Variants in DLG2 observed in about 807,000 individuals in gnomAD.
DLG2 encodes the protein discs large MAGUK scaffold protein 2.
Under a neutral mutation model 132.5 loss-of-function variants are expected in DLG2, and 45 were observed. The ratio of observed to expected loss-of-function variants is 0.34; its 90% CI spans 0.27 to 0.44. DLG2 has a LOEUF of 0.44. Among genes scored for constraint, DLG2 ranks in the 20% least tolerant of loss-of-function variants. The pLI is 1.00. For synonymous variants in DLG2, 424 were observed against 419.6 expected (o/e 1.01, Z -0.13); for missense variants, 1,045 against 1,196.9 (o/e 0.87, Z 1.87).
intron 11 of DLG2, among the ~76,000 whole-genome samples, chr11:84,012,183 T>C (rs1307467282): frequency 6.6e-6 from 1 of 152,180 alleles, no homozygotes; most frequent in East Asian, 1.9e-4. Context: ...TGTCTAAGAA[T>C]AAATAATTTC....
chr11:83,896,844 T>C (rs898411474), intron 15 of DLG2, among the ~76,000 whole-genome samples: 3 of 152,158 alleles, frequency 2.0e-5, no homozygotes, highest in African/African-American at 7.2e-5. Flanking sequence ...TGTATGTAAA[T>C]ATATGATGTG....
intron 8 of DLG2, among the ~76,000 whole-genome samples, chr11:84,237,680 C>T (rs1415063345): frequency 1.3e-5 from 2 of 152,122 alleles, no homozygotes; most frequent in Non-Finnish European, 2.9e-5. Flanking sequence ...TTTAAACAAA[C>T]TTGGAACTTC....
chr11:83,547,095 T>C (rs1360031835), intron 19 of DLG2, among the ~76,000 whole-genome samples: 1 of 152,104 alleles, frequency 6.6e-6, no homozygotes, highest in Non-Finnish European at 1.5e-5. Flanking sequence ...TTAACAATCA[T>C]GGACCTTAAA....
chr11:84,758,194 A>C (rs1305933298), intron 6 of DLG2, among the ~76,000 whole-genome samples: 2 of 152,318 alleles, frequency 1.3e-5, no homozygotes, highest in East Asian at 3.9e-4. Flanking sequence ...TTCTCTTTGT[A>C]CCTGTACTGT....
chr11:83,611,494 G>GC (rs1424979858), intron 19 of DLG2, among the ~76,000 whole-genome samples: 1 of 152,132 alleles, frequency 6.6e-6, no homozygotes, highest in Non-Finnish European at 1.5e-5. Flanking sequence ...GACAAGCTTT[G>GC]TTTTTTGCTT....
chr11:83,791,578 T>C (rs943109574), intron 17 of DLG2: 3 of 467,456 alleles, frequency 6.4e-6, no homozygotes, highest in African/African-American at 6.1e-5. Context: ...ATTTTCTTCA[T>C]TATGACTAGT....
chr11:84,032,719 T>C (rs886867415), intron 11 of DLG2, among the ~76,000 whole-genome samples: 3 of 152,164 alleles, frequency 2.0e-5, no homozygotes, highest in African/African-American at 4.8e-5. Context: ...AGGACTTTCG[T>C]AGCTAGAGAG....
intron 6 of DLG2, among the ~76,000 whole-genome samples, chr11:84,757,309 G>A (rs758059818): frequency 6.6e-6 from 1 of 151,754 alleles, no homozygotes; most frequent in Admixed American, 6.6e-5. Flanking sequence ...AAAAAAAAAG[G>A]ATTTTATCTT....
At chr11:84,512,266 A>G (rs1457468637) in intron 7 of DLG2, among the ~76,000 whole-genome samples, 2 of 152,148 alleles carry the variant, frequency 1.3e-5, no homozygotes, top group Admixed American at 6.6e-5. Flanking sequence ...GCTTTTCTGC[A>G]TGCAAGTCTC....
intron 6 of DLG2, among the ~76,000 whole-genome samples, chr11:84,584,674 C>CTTTTT (rs71036428): frequency 2.0e-4 from 11 of 55,854 alleles, no homozygotes; most frequent in Non-Finnish European, 2.2e-4. Context: ...CCCAGCATTC[C>CTTTTT]TTTTTTTTTT....
At chr11:85,378,136 A>G (rs1299741604) in intron 3 of DLG2, among the ~76,000 whole-genome samples, 1 of 152,084 alleles carries the variant, frequency 6.6e-6, no homozygotes, top group Non-Finnish European at 1.5e-5. Flanking sequence ...TTCATGGAAA[A>G]TATTGTCTTT....
chr11:84,255,393 G>A (rs184650803), intron 7 of DLG2, among the ~76,000 whole-genome samples: 2 of 151,994 alleles, frequency 1.3e-5, no homozygotes, highest in Admixed American at 6.6e-5. Flanking sequence ...GTGCAATCTC[G>A]GCTCACTGCA....
intron 3 of DLG2, among the ~76,000 whole-genome samples, chr11:85,572,187 G>A (rs1179284712): frequency 1.3e-5 from 2 of 152,070 alleles, no homozygotes; most frequent in African/African-American, 4.8e-5. Context: ...ACTTTTAAAA[G>A]TCCTTACTCT....
intron 7 of DLG2, among the ~76,000 whole-genome samples, chr11:84,373,276 A>C (rs554718589): frequency 2.0e-5 from 3 of 149,280 alleles, no homozygotes; most frequent in East Asian, 1.9e-4. Context: ...AAAACAAAAA[A>C]AAAACCCACC....
intron 18 of DLG2, among the ~76,000 whole-genome samples, chr11:83,764,974 G>A (rs1280969571): frequency 6.6e-6 from 1 of 152,212 alleles, no homozygotes; most frequent in African/African-American, 2.4e-5. Context: ...ACACTCTCTA[G>A]ATTTGACTTG....
chr11:84,720,324 T>G, intron 6 of DLG2: 1 of 985,502 alleles, frequency 1.0e-6, no homozygotes. Flanking sequence ...CGATAAAGTG[T>G]TGTTGGTGCA....
intron 18 of DLG2, among the ~76,000 whole-genome samples, chr11:83,750,993 A>G (rs1421241759): frequency 6.6e-6 from 1 of 152,218 alleles, no homozygotes; most frequent in Non-Finnish European, 1.5e-5. Flanking sequence ...TCCTCACTGA[A>G]CTTCTCTTCT....
intron 6 of DLG2, among the ~76,000 whole-genome samples, chr11:84,648,936 A>G (rs2099678288): frequency 6.6e-6 from 1 of 152,116 alleles, no homozygotes; most frequent in Non-Finnish European, 1.5e-5. Context: ...CCTTATAACA[A>G]CACAAAGACA....
chr11:84,730,203 C>T (rs1030443674), intron 6 of DLG2, among the ~76,000 whole-genome samples: 1 of 151,974 alleles, frequency 6.6e-6, no homozygotes, highest in Admixed American at 6.6e-5. Flanking sequence ...CCAGTTTGGA[C>T]ACTTGCTATG....
Sources: allele counts gnomAD v4.1 joint callset (sites outside exome capture counted in the v4.1 genomes callset), GRCh38; gene constraint gnomAD v4.1.1; transcripts MANE v1.5; gene names NCBI Gene and HGNC (gene_info 2026-07-23, HGNC 2026-07-21).